Variants in NMUR1 observed in about 807,000 individuals in gnomAD.
NMUR1 encodes neuromedin-U receptor 1.
A neutral mutation model predicts 18.8 loss-of-function variants in NMUR1; 16 were observed. That is an observed-to-expected ratio of 0.85 (90% confidence interval 0.58 to 1.29). NMUR1 has a LOEUF of 1.29. Among genes scored for constraint, NMUR1 ranks in the 50% most tolerant of loss-of-function variants. The pLI, the probability that NMUR1 is intolerant of heterozygous loss-of-function variation, is 0.00. For missense variants in NMUR1, 529 were observed against 580.3 expected (o/e 0.91, Z 0.91); for synonymous variants, 258 against 258.2 (o/e 1.00, Z 0.01).
At chr2:231,518,860 C>G (rs1340417464), downstream of NMUR1, among the ~76,000 whole-genome samples, 1 of 152,140 alleles carries the variant, frequency 6.6e-6, no homozygotes, top group African/African-American at 2.4e-5. Context: ...CCCTCATTCC[C>G]TTTAGGCTCT....
chr2:231,524,808 T>C lies in NMUR1; in HGVS notation c.*235A>G. The C allele has an allele frequency of 2.2e-6, 1 of 464,120 alleles. No homozygotes were observed. Among genetic ancestry groups the C allele is most frequent in the East Asian group, 3.2e-5 (1 of 30,840 alleles). The allele number at this position is 464,120 out of a possible 1,614,324, so 28.8% of individuals were successfully genotyped here. Reference sequence around the variant, plus strand: ...AGGGTAAGGATTTGAACTGGGGGAGTGGCAGTGGACAGATAAGAAGCACAA... The same window carrying C: ...AGGGTAAGGATTTGAACTGGGGGAGCGGCAGTGGACAGATAAGAAGCACAA... On this transcript the variant is annotated 3_prime_UTR_variant, in exon 3 of 3. Coordinates refer to ENST00000305141, the MANE Select transcript of NMUR1 (RefSeq NM_006056.5).
rs560943165 is a variant in NMUR1, at chr2:231,529,289, G to C, written c.4-272C>G. On this transcript the variant is annotated intron_variant, in intron 1 of 2. Transcript: ENST00000305141. ...AGCCTGGCCAATATGGTGAAACCCC[G>C]TCTCTACTAACAATACAAAAAGTAG... 3.3e-5 allele frequency among the ~76,000 whole-genome samples: 5 copies of C among 152,192 alleles called. No individual in the cohort carries two copies. The East Asian group carries it at 7.7e-4, about 24-fold the overall frequency.
At chr2:231,518,982 T>C (rs917248067), downstream of NMUR1, among the ~76,000 whole-genome samples, 7 of 152,200 alleles carry the variant, frequency 4.6e-5, no homozygotes, top group Admixed American at 6.5e-5. Context: ...CCTGGAAGCC[T>C]TCCCTCGGCT....
chr2:231,520,839 CAGAA>C (rs879484297), downstream of NMUR1, among the ~76,000 whole-genome samples: 21 of 152,308 alleles, frequency 1.4e-4, no homozygotes, highest in Admixed American at 2.0e-4. Context: ...AGATGCCTAA[CAGAA>C]GGAAGGGTAG....
chr2:231,528,747 G>T lies in NMUR1; in HGVS notation c.274C>A (p.Arg92Ser). 3 of 1,614,236 alleles carry T rather than the reference G, an allele frequency of 1.9e-6. No individual in the cohort carries two copies. Among genetic ancestry groups the T allele is most frequent in the Non-Finnish European group, 2.5e-6 (3 of 1,180,042 alleles). The change falls in exon 2 of 3, where the codon CGC (arginine) becomes AGC (serine). Residue 92 changes from arginine to serine, a missense_variant. Transcript: ENST00000305141. ...CLVILRHKAMRTPTNYYLFSL... is the reference protein window; with the variant it reads ...CLVILRHKAMSTPTNYYLFSL... ...AAGAGGTAGTAGTTGGTAGGCGTGC[G>T]CATGGCCTTGTGGCGCAGGATGACC...
intron 2 of NMUR1, among the ~76,000 whole-genome samples, chr2:231,527,083 C>A (rs1254058348): frequency 6.6e-6 from 1 of 152,132 alleles, no homozygotes; most frequent in Non-Finnish European, 1.5e-5. Flanking sequence ...CAGCACCTGG[C>A]CTCTCCAACA....
At chr2:231,521,973 C>CTCTCTCTT (rs71396675), downstream of NMUR1, among the ~76,000 whole-genome samples, 939 of 83,870 alleles carry the variant, frequency 0.011, 22 homozygotes, top group Non-Finnish European at 0.017. Context: ...TTTTTTTTCT[C>CTCTCTCTT]TTTTTTTTTT....
rs1260977622 is a variant in NMUR1, at chr2:231,528,780, T to C, written c.241A>G (p.Thr81Ala). 6.2e-7 allele frequency: 1 copy of C among 1,614,122 alleles called. No individual in the cohort carries two copies. Among genetic ancestry groups the C allele is most frequent in the Non-Finnish European group, 8.5e-7 (1 of 1,180,012 alleles). The change falls in exon 2 of 3, where the codon ACC becomes GCC. Residue 81 changes from threonine (T) to alanine (A), a missense_variant. By Grantham distance (58) the Thr-to-Ala change is moderately conservative. Coordinates refer to ENST00000305141, the MANE Select transcript of NMUR1 (RefSeq NM_006056.5). ...FVVGAVGNGL[T>A]CLVILRHKAM... is the part of the protein sequence containing the mutation. ...TTGTGGCGCAGGATGACCAGACAGG[T>C]CAGCCCATTGCCCACAGCGCCCACC...
intron 1 of NMUR1, 49 bp downstream of exon 1, chr2:231,530,310 C>T (rs2047402090): frequency 6.7e-7 from 1 of 1,499,752 alleles, no homozygotes; most frequent in Admixed American, 2.1e-5. Flanking sequence ...CGCACCGAGC[C>T]CCGGCCCAGC....
chr2:231,525,001 G>C lies in NMUR1; in HGVS notation c.*42C>G. 6.6e-7 allele frequency: 1 copy of C among 1,510,502 alleles called. No individual in the cohort carries two copies. The highest frequency in any genetic ancestry group is 2.3e-5 in the East Asian group (1 of 44,078). The allele number at this position is 1,510,502 out of a possible 1,614,324, so 93.6% of individuals were successfully genotyped here. On this transcript the variant is annotated 3_prime_UTR_variant, in exon 3 of 3. Coordinates refer to ENST00000305141, the MANE Select transcript of NMUR1 (RefSeq NM_006056.5). ...CAGATGTGTCTCCCCAGCTCCAGGTGACCCTCTGGCCCCTCCAGGTGAAGC... is the reference window on the plus strand; with the variant it reads ...CAGATGTGTCTCCCCAGCTCCAGGTCACCCTCTGGCCCCTCCAGGTGAAGC...
intron 1 of NMUR1, among the ~76,000 whole-genome samples, chr2:231,530,049 C>T (rs1450510880): frequency 1.3e-5 from 2 of 152,260 alleles, no homozygotes; most frequent in Non-Finnish European, 2.9e-5. Flanking sequence ...CACACCCTTC[C>T]TCCCGCCCGC....
At position 231,528,968 on chromosome 2, in the gene NMUR1, C is replaced by G. The variant is rs186661364; in HGVS notation, c.53G>C (p.Gly18Ala). Residue 18 changes from glycine (G) to alanine (A), a missense_variant, in exon 2 of 3, where the codon GGG (glycine) becomes GCG (alanine). Transcript: ENST00000305141. ...CSVLPGDLYP[G>A]GARNPMACNG... Reference sequence around the variant, plus strand: ...GCAAGCCATGGGGTTCCTTGCACCCCCTGGGTACAGGTCTCCAGGGAGGAC... The same window carrying G: ...GCAAGCCATGGGGTTCCTTGCACCCGCTGGGTACAGGTCTCCAGGGAGGAC... 18 of 1,613,734 alleles carry G rather than the reference C, an allele frequency of 1.1e-5. No individual in the cohort carries two copies. The African/African-American group carries it at 1.5e-4, about 13-fold the overall frequency.
At chr2:231,529,399 G>A (rs1260357184) in intron 1 of NMUR1, among the ~76,000 whole-genome samples, 1 of 152,126 alleles carries the variant, frequency 6.6e-6, no homozygotes, top group Non-Finnish European at 1.5e-5. Flanking sequence ...GACAGAGGTT[G>A]CAGTGAGCGG....
At chr2:231,527,858 T>C (rs1559168577) in intron 2 of NMUR1, among the ~76,000 whole-genome samples, 1 of 152,108 alleles carries the variant, frequency 6.6e-6, no homozygotes, top group Non-Finnish European at 1.5e-5. Flanking sequence ...ACCCTGAATT[T>C]TCATGTTGCA....
rs1362449422 is a variant in NMUR1 at position 231,528,669 on chromosome 2, G to T, written c.352C>A (p.Leu118Ile). Residue 118 changes from leucine (L) to isoleucine (I), a missense_variant, in exon 2 of 3, where the codon CTC becomes ATC. Physicochemically the swap from Leu to Ile is conservative, Grantham distance 5. Transcript: ENST00000305141. ...LVLLVGLPLE[L>I]YEMWHNYPFL... ...GGGTAGTTGTGCCACATCTCATAGA[G>T]CTCCAGGGGCAGGCCCACCAGCAGC... The T allele has an allele frequency of 1.2e-6, 2 of 1,614,110 alleles. No homozygotes were observed. The highest frequency in any genetic ancestry group is 1.7e-6 in the Non-Finnish European group (2 of 1,180,044).
chr2:231,521,973 C>CTCTCTTTT (rs71396675), downstream of NMUR1, among the ~76,000 whole-genome samples: 567 of 83,872 alleles, frequency 6.8e-3, 18 homozygotes, highest in African/African-American at 0.02. Context: ...TTTTTTTTCT[C>CTCTCTTTT]TTTTTTTTTT....
Position 231,527,999 on chromosome 2 carries a change from C to CACACACA in NMUR1, c.898+123_898+124insTGTGTGT. 9 of 959,758 alleles carry CACACACA rather than the reference C, an allele frequency of 9.4e-6. No individual in the cohort carries two copies. The East Asian group carries it at 1.3e-4, about 13-fold the overall frequency. 59.5% of individuals were successfully genotyped at this position (959,758 alleles called of 1,614,324 possible). ...ACACACACACACACACACACACACACGAGACTAGAGGAGTTCCTCGTCCCC... is the reference window on the plus strand; with the variant it reads ...ACACACACACACACACACACACACACACACACAGAGACTAGAGGAGTTCCTCGTCCCC... On this transcript the variant is annotated intron_variant, in intron 2 of 2. Coordinates refer to ENST00000305141, the MANE Select transcript of NMUR1 (RefSeq NM_006056.5).
rs1161805178 is a variant in NMUR1 at position 231,525,079 on chromosome 2, A to G, written c.1245T>C (p.Asp415=). The G allele has an allele frequency of 5.6e-6, 9 of 1,601,380 alleles. No individual in the cohort carries two copies. Among genetic ancestry groups the G allele is most frequent in the Middle Eastern group, 1.7e-4 (1 of 5,982 alleles). The part of the protein sequence containing the change: ...GSWVHPLAGN[D]GPEAQQETDP... The stretch of plus-strand genomic sequence containing the variant: ...CGGTCTCTTGCTGCGCCTCTGGGCC[A>G]TCGTTCCCAGCCAGGGGGTGGACCC... Residue 415 remains aspartate (D), a synonymous_variant, in exon 3 of 3, where the codon GAT becomes GAC. Coordinates refer to ENST00000305141, the MANE Select transcript of NMUR1 (RefSeq NM_006056.5).
intron 1 of NMUR1, 112 bp from the exon 2 acceptor site, chr2:231,529,129 C>T: frequency 1.8e-6 from 2 of 1,090,396 alleles, no homozygotes; most frequent in Non-Finnish European, 2.5e-6. Context: ...TTATTTTAGG[C>T]ACCACTGAGA....
Sources: gnomAD v4.1 joint callset for allele counts (sites outside exome capture counted in the v4.1 genomes callset) on GRCh38, gnomAD v4.1.1 for gene constraint, MANE v1.5 for transcripts, NCBI Gene and HGNC (gene_info 2026-07-23, HGNC 2026-07-21) for gene names.